Variants in SAMMSON observed in about 807,000 individuals in gnomAD.
SAMMSON encodes the protein long intergenic non-protein coding RNA 1212.
intron 2 of SAMMSON, chr3:70,012,676 C>T (rs777491875): frequency 6.6e-6 from 1 of 152,116 alleles, no homozygotes; most frequent in Non-Finnish European, 1.5e-5. Flanking sequence ...GGTGTACTTA[C>T]TTGCCCCTTT....
chr3:70,423,019 T>C (rs374333653), intron 2 of SAMMSON, among the ~76,000 whole-genome samples: 2 of 151,864 alleles, frequency 1.3e-5, no homozygotes, highest in Non-Finnish European at 2.9e-5. Context: ...TAAAAAACAT[T>C]AGGGGCAGGG....
chr3:70,425,394 T>G (rs1273885820), intron 2 of SAMMSON, among the ~76,000 whole-genome samples: 1 of 151,702 alleles, frequency 6.6e-6, no homozygotes, highest in Non-Finnish European at 1.5e-5. Flanking sequence ...AGTTGTCTAT[T>G]TTTTTATTAT....
intron 3 of SAMMSON, among the ~76,000 whole-genome samples, chr3:70,023,738 G>T (rs973219031): frequency 6.6e-6 from 1 of 152,136 alleles, no homozygotes; most frequent in Non-Finnish European, 1.5e-5. Context: ...AGCAAGGTAT[G>T]ATCTCTATTT....
intron 3 of SAMMSON, among the ~76,000 whole-genome samples, chr3:70,065,565 T>C (rs1345834699): frequency 6.6e-6 from 1 of 152,092 alleles, no homozygotes; most frequent in East Asian, 1.9e-4. Flanking sequence ...GCCATTCCAA[T>C]GTGTGCCTCT....
At chr3:70,153,085 A>G (rs2067577870) in intron 4 of SAMMSON, among the ~76,000 whole-genome samples, 1 of 151,982 alleles carries the variant, frequency 6.6e-6, no homozygotes, top group African/African-American at 2.4e-5. Context: ...CCTAGAAGTT[A>G]TATATATTAT....
At chr3:70,160,652 A>G (rs1202449975) in intron 4 of SAMMSON, among the ~76,000 whole-genome samples, 1 of 152,062 alleles carries the variant, frequency 6.6e-6, no homozygotes, top group East Asian at 1.9e-4. Context: ...TTCGTTTCTC[A>G]AACTCCTTTA....
chr3:70,038,434 A>G (rs547249730), intron 3 of SAMMSON, among the ~76,000 whole-genome samples: 9 of 152,172 alleles, frequency 5.9e-5, no homozygotes, highest in African/African-American at 2.2e-4. Context: ...CACCAGATGC[A>G]GCTACCCAAT....
chr3:70,295,256 A>G (rs764885433), intron 7 of SAMMSON, among the ~76,000 whole-genome samples: 1 of 152,190 alleles, frequency 6.6e-6, no homozygotes, highest in Admixed American at 6.5e-5. Context: ...CAAAGTAGCC[A>G]TTATGATTTT....
chr3:70,056,461 G>C (rs1254700289), intron 3 of SAMMSON, among the ~76,000 whole-genome samples: 1 of 151,656 alleles, frequency 6.6e-6, no homozygotes, highest in African/African-American at 2.4e-5. Context: ...AGGTTTTCTA[G>C]TTTTGTTTTC....
chr3:70,396,738 A>T (rs1701096584), intron 2 of SAMMSON, among the ~76,000 whole-genome samples: 1 of 152,196 alleles, frequency 6.6e-6, no homozygotes, highest in Non-Finnish European at 1.5e-5. Flanking sequence ...CCATCTTAAA[A>T]TTTAATCCTA....
chr3:70,332,886 GC>G (rs1031308748), intron 7 of SAMMSON: 17 of 152,354 alleles, frequency 1.1e-4, no homozygotes, highest in African/African-American at 4.1e-4. Flanking sequence ...GAGCTACCGC[GC>G]CCAGCTGGCA....
intron 6 of SAMMSON, among the ~76,000 whole-genome samples, chr3:70,280,069 G>A (rs1203859723): frequency 2.0e-5 from 3 of 152,272 alleles, no homozygotes; most frequent in Admixed American, 2.0e-4. Context: ...TGTCAGCAAG[G>A]CTGCACTCCC....
intron 4 of SAMMSON, among the ~76,000 whole-genome samples, chr3:70,208,649 T>G (rs1701313114): frequency 6.6e-6 from 1 of 151,970 alleles, no homozygotes; most frequent in African/African-American, 2.4e-5. Flanking sequence ...TCTTCTGCAT[T>G]TGAGACAAGA....
At chr3:70,363,184 A>C (rs1430641527) in intron 9 of SAMMSON, among the ~76,000 whole-genome samples, 1 of 152,128 alleles carries the variant, frequency 6.6e-6, no homozygotes, top group Non-Finnish European at 1.5e-5. Flanking sequence ...ATACCTCAAA[A>C]TAACAAAGGC....
chr3:70,134,976 C>T (rs958592881), intron 4 of SAMMSON, among the ~76,000 whole-genome samples: 18 of 152,102 alleles, frequency 1.2e-4, no homozygotes, highest in Non-Finnish European at 2.2e-4. Context: ...GTCAAAGTGG[C>T]ATGAACCCAA....
chr3:70,019,772 A>C (rs1231429844), intron 3 of SAMMSON, among the ~76,000 whole-genome samples: 3 of 152,048 alleles, frequency 2.0e-5, no homozygotes, highest in Admixed American at 1.3e-4. Flanking sequence ...TGTAGGGCTG[A>C]CCTGGTGGTG....
intron 4 of SAMMSON, among the ~76,000 whole-genome samples, chr3:70,143,974 T>G (rs2067538155): frequency 6.6e-6 from 1 of 152,180 alleles, no homozygotes; most frequent in South Asian, 2.1e-4. Context: ...TTTTGACTTT[T>G]GGTAAACATT....
At chr3:70,099,944 G>C (rs1026023202) in intron 4 of SAMMSON, among the ~76,000 whole-genome samples, 2 of 152,128 alleles carry the variant, frequency 1.3e-5, no homozygotes, top group African/African-American at 4.8e-5. Flanking sequence ...CTGTCCTGAG[G>C]AAGAACATAG....
chr3:70,085,302 A>G (rs1168796034), intron 4 of SAMMSON, among the ~76,000 whole-genome samples: 1 of 152,230 alleles, frequency 6.6e-6, no homozygotes, highest in African/African-American at 2.4e-5. Context: ...GACTCACTGA[A>G]TAAACATGCG....
Sources: gnomAD v4.1 joint callset for allele counts (sites outside exome capture counted in the v4.1 genomes callset) on GRCh38, gnomAD v4.1.1 for gene constraint, MANE v1.5 for transcripts, NCBI Gene and HGNC (gene_info 2026-07-23, HGNC 2026-07-21) for gene names.